The following NUP98 variants were observed in gnomAD, a reference collection of about 807,000 sequenced individuals.
The protein encoded by NUP98 is nuclear pore complex protein Nup98-Nup96.
In NUP98, 26 loss-of-function variants were observed where a neutral mutation model predicts 191.9. The observed-to-expected ratio is 0.14, with a 90% CI of 0.10 to 0.19. The LOEUF (loss-of-function observed/expected upper bound fraction) is 0.19, where lower values mean the gene tolerates loss of function less well. Among genes scored for constraint, NUP98 ranks in the 10% least tolerant of loss-of-function variants. The pLI, the probability that NUP98 is intolerant of heterozygous loss-of-function variation, is 1.00. For missense variants in NUP98, 1,941 were observed against 2,178.8 expected (o/e 0.89, Z 2.17); for synonymous variants, 808 against 778.4 (o/e 1.04, Z -0.63).
intron 9 of NUP98, among the ~76,000 whole-genome samples, 176 bp from the exon 10 acceptor site, chr11:3,760,802 AT>A (rs1297432707): frequency 2.6e-5 from 4 of 152,242 alleles, no homozygotes; most frequent in African/African-American, 9.6e-5. Context: ...TCTGGGCAAG[AT>A]TAACTTTATA....
At chr11:3,696,091 T>C (rs141813214) in intron 25 of NUP98, among the ~76,000 whole-genome samples, 68 of 152,242 alleles carry the variant, frequency 4.5e-4, no homozygotes, top group African/African-American at 1.4e-3. Context: ...CTTGGAAGGC[T>C]AAGGCAGGAA....
chr11:3,744,071 TAAAG>T (rs1358327662), intron 12 of NUP98, among the ~76,000 whole-genome samples: 2 of 151,786 alleles, frequency 1.3e-5, no homozygotes, highest in East Asian at 1.9e-4. Context: ...AAAAATAAAA[TAAAG>T]AAAAACACTT....
rs773782446 is a variant in NUP98 at position 3,705,383 on chromosome 11, A to G, written c.2926-27T>C. 85 of 1,608,040 alleles carry G rather than the reference A, an allele frequency of 5.3e-5. 1 individual carries two copies. In the East Asian group the frequency reaches 1.8e-3, roughly 34 times the overall value. On this transcript the variant is annotated intron_variant, in intron 21 of 32. Coordinates refer to ENST00000324932, the MANE Select transcript of NUP98 (RefSeq NM_016320.5). ...TAAAAAGGCAATATCTATAGAATGA[A>G]TGTGCTTCCCAGAATCAAAAGGCCA...
intron 27 of NUP98, 35 bp from the exon 28 acceptor site, chr11:3,691,524 T>C: frequency 6.2e-7 from 1 of 1,604,686 alleles, no homozygotes. Context: ...ATACATTAGC[T>C]CCTAATCAGT....
chr11:3,701,001 T>C (rs760677173), intron 23 of NUP98, among the ~76,000 whole-genome samples, 162 bp from the exon 24 acceptor site: 1 of 152,290 alleles, frequency 6.6e-6, no homozygotes, highest in African/African-American at 2.4e-5. Flanking sequence ...ACTGAACTTA[T>C]CTGCTATATA....
chr11:3,691,728 AT>A (rs2078317409), intron 27 of NUP98, among the ~76,000 whole-genome samples: 3 of 152,166 alleles, frequency 2.0e-5, no homozygotes, highest in African/African-American at 7.2e-5. Context: ...TAATTTTTGT[AT>A]TTTTAGTAGT....
At chr11:3,791,249 C>T (rs1323242353) in intron 1 of NUP98, among the ~76,000 whole-genome samples, 4 of 151,964 alleles carry the variant, frequency 2.6e-5, no homozygotes, top group African/African-American at 9.7e-5. Context: ...AGATTTGGTA[C>T]TGGCTGGGCA....
intron 20 of NUP98, among the ~76,000 whole-genome samples, chr11:3,707,319 C>T (rs909289727): frequency 2.6e-5 from 4 of 152,104 alleles, no homozygotes; most frequent in African/African-American, 7.2e-5. Context: ...CTATGACTAA[C>T]AGTCTATGAT....
intron 11 of NUP98, among the ~76,000 whole-genome samples, chr11:3,746,711 G>C (rs954762384): frequency 6.6e-6 from 1 of 151,570 alleles, no homozygotes; most frequent in African/African-American, 2.4e-5. Flanking sequence ...TCAGGAGTTC[G>C]AGACCAGCCT....
At chr11:3,677,505 G>A (rs2077855873) in intron 31 of NUP98, among the ~76,000 whole-genome samples, 1 of 150,402 alleles carries the variant, frequency 6.6e-6, no homozygotes, top group Non-Finnish European at 1.5e-5. Flanking sequence ...AAAGTACTAG[G>A]ATTACAGTCA....
chr11:3,751,115 T>C (rs2080732902), intron 11 of NUP98, among the ~76,000 whole-genome samples: 1 of 152,004 alleles, frequency 6.6e-6, no homozygotes, highest in East Asian at 1.9e-4. Flanking sequence ...TCCCAGCACT[T>C]TGGGAGGCCG....
Position 3,695,477 on chromosome 11 carries a change from C to T in NUP98, c.4139G>A (p.Arg1380His), listed in dbSNP as rs201757730. The T allele has an allele frequency of 1.7e-5, 27 of 1,584,632 alleles. No individual in the cohort carries two copies. The highest frequency in any genetic ancestry group is 3.7e-5 in the Admixed American group (2 of 54,656). ...TTTTCCAGCCAACAGAGCAAAGATG[C>T]GCAGTCTCTCATCCTGGATGAAGGA... ...ADSFIQDERL[R>H]IFALLAGKPV... Residue 1380 changes from arginine to histidine, a missense_variant, in exon 26 of 33, where the codon CGC becomes CAC. Coordinates refer to ENST00000324932, the MANE Select transcript of NUP98 (RefSeq NM_016320.5).
chr11:3,696,288 G>A (rs917182665), intron 25 of NUP98, among the ~76,000 whole-genome samples: 43 of 151,942 alleles, frequency 2.8e-4, no homozygotes, highest in African/African-American at 9.4e-4. Context: ...AATCACTTGG[G>A]GTCAGGAGTT....
At chr11:3,780,263 G>A (rs933631940) in intron 2 of NUP98, among the ~76,000 whole-genome samples, 2 of 151,480 alleles carry the variant, frequency 1.3e-5, no homozygotes, top group Non-Finnish European at 2.9e-5. Flanking sequence ...GAAGTTACAG[G>A]CTCACGCCTG....
intron 7 of NUP98, 133 bp from the exon 8 acceptor site, chr11:3,768,877 G>A (rs1192596009): frequency 1.7e-6 from 1 of 592,498 alleles, no homozygotes; most frequent in Non-Finnish European, 2.6e-6. Flanking sequence ...TTCACTACTT[G>A]ATCATCTTTT....
chr11:3,786,990 C>T (rs1416445479), intron 1 of NUP98, among the ~76,000 whole-genome samples: 1 of 152,212 alleles, frequency 6.6e-6, no homozygotes, highest in Non-Finnish European at 1.5e-5. Flanking sequence ...GATGAATGGA[C>T]TGTATAGTAC....
At chr11:3,690,207 C>A (rs2078266600) in intron 28 of NUP98, among the ~76,000 whole-genome samples, 1 of 151,458 alleles carries the variant, frequency 6.6e-6, no homozygotes, top group African/African-American at 2.4e-5. Flanking sequence ...CCCACCTCAG[C>A]CTCCCAAAGT....
Position 3,731,393 on chromosome 11 carries a change from G to A in NUP98, c.1728C>T (p.Pro576=). 1 of 1,544,088 alleles carries A rather than the reference G, an allele frequency of 6.5e-7. No homozygotes were observed. Among genetic ancestry groups the A allele is most frequent in the East Asian group, 2.3e-5 (1 of 43,222 alleles). Residue 576 remains proline, a splice_region_variant and synonymous_variant, in exon 14 of 33, where the codon CCC becomes CCT. Coordinates refer to ENST00000324932, the MANE Select transcript of NUP98 (RefSeq NM_016320.5). ...EPSLANGAFM[P]KKSIKKLVLK... is the part of the protein sequence containing the mutation. ...TCTGTTAACAAAAATAAACTCACTT[G>A]GGCATGAATGCTCCATTGGCTAGGG... is the stretch of plus-strand genomic sequence containing the variant.
At position 3,676,345 on chromosome 11, in the gene NUP98, G is replaced by C; in HGVS notation, c.5217C>G (p.Arg1739=). 1 of 1,614,026 alleles carries C rather than the reference G, an allele frequency of 6.2e-7. No homozygotes were observed. Among genetic ancestry groups the C allele is most frequent in the Non-Finnish European group, 8.5e-7 (1 of 1,179,928 alleles). Residue 1739 remains arginine, a synonymous_variant, in exon 33 of 33, where the codon CGC becomes CGG. Coordinates refer to ENST00000324932, the MANE Select transcript of NUP98 (RefSeq NM_016320.5). ...DMAKRVANLL[R]VVLSLHHPPD... is the part of the protein sequence containing the mutation. Reference sequence around the variant, plus strand: ...GAGGATGATGCAGACTCAGCACCACGCGCAGCAGGTTGGCTACACGTTTGG... The same window carrying C: ...GAGGATGATGCAGACTCAGCACCACCCGCAGCAGGTTGGCTACACGTTTGG...
Sources: gnomAD v4.1 joint callset for allele counts (sites outside exome capture counted in the v4.1 genomes callset) on GRCh38, gnomAD v4.1.1 for gene constraint, MANE v1.5 for transcripts, NCBI Gene and HGNC (gene_info 2026-07-23, HGNC 2026-07-21) for gene names.